NCOA2: variants seen among roughly 807,000 people sequenced by gnomAD.
NCOA2 encodes the protein nuclear receptor coactivator 2, also known as class E basic helix-loop-helix protein 75.
A neutral mutation model predicts 145.1 loss-of-function variants in NCOA2; 21 were observed. The ratio of observed to expected loss-of-function variants is 0.14; its 90% CI spans 0.10 to 0.21. The LOEUF (loss-of-function observed/expected upper bound fraction) is 0.21, where lower values mean the gene tolerates loss of function less well. Among genes scored for constraint, NCOA2 ranks in the 10% least tolerant of loss-of-function variants. The probability of loss-of-function intolerance (pLI) is 1.00; values close to 1 mark genes in which losing one functional copy is unlikely to be tolerated. For missense variants in NCOA2, 1,472 were observed against 1,837.6 expected (o/e 0.80, Z 3.64); for synonymous variants, 619 against 637.5 (o/e 0.97, Z 0.44).
Position 70,326,291 on chromosome 8 carries a change from T to A in NCOA2, c.-76-29491A>T, listed in dbSNP as rs1023701833. On this transcript the variant is annotated intron_variant, in intron 1 of 22. Coordinates refer to ENST00000452400, the MANE Select transcript of NCOA2 (RefSeq NM_006540.4). Reference sequence around the variant, plus strand: ...CGTGTATATATGTATATAAAGTACATATGCTCTTACCTTTATTAAGTTCTC... The same window carrying A: ...CGTGTATATATGTATATAAAGTACAAATGCTCTTACCTTTATTAAGTTCTC... 2.0e-5 allele frequency among the ~76,000 whole-genome samples: 3 copies of A among 152,198 alleles called. No individual in the cohort carries two copies. In the South Asian group the frequency reaches 6.2e-4, roughly 32 times the overall value.
At chr8:70,270,448 T>A (rs1335228563) in intron 2 of NCOA2, among the ~76,000 whole-genome samples, 1 of 152,016 alleles carries the variant, frequency 6.6e-6, no homozygotes, top group South Asian at 2.1e-4. Flanking sequence ...ATGCTACCAT[T>A]ATCTGGCATG....
In NCOA2 at chr8:70,226,279, A is replaced by G. The variant is rs561276193; in HGVS notation, c.-19-9515T>C. 3.8e-3 allele frequency among the ~76,000 whole-genome samples: 584 copies of G among 152,158 alleles called. 2 individuals are homozygous for G. Among genetic ancestry groups the G allele is most frequent in the Non-Finnish European group, 6.2e-3 (421 of 67,974 alleles). On this transcript the variant is annotated intron_variant, in intron 2 of 22. Coordinates refer to ENST00000452400, the MANE Select transcript of NCOA2 (RefSeq NM_006540.4). ...GGAAGAGGGAAAGAACAGGAGGGAG[A>G]GAGGAAAGAAAGAAAGAAGAAAAGG... is the stretch of plus-strand genomic sequence containing the variant.
intron 1 of NCOA2, among the ~76,000 whole-genome samples, chr8:70,317,324 C>T (rs1805670519): frequency 6.6e-6 from 1 of 152,096 alleles, no homozygotes; most frequent in Non-Finnish European, 1.5e-5. Flanking sequence ...GTTAGATTAA[C>T]CAGACATGAA....
chr8:70,156,705 A>C lies in NCOA2; in HGVS notation c.1660T>G (p.Ser554Ala). Residue 554 changes from serine to alanine, a missense_variant, in exon 11 of 23, where the codon TCA (serine) becomes GCA (alanine). By Grantham distance (99) the Ser-to-Ala change is moderately conservative. Coordinates refer to ENST00000452400, the MANE Select transcript of NCOA2 (RefSeq NM_006540.4). The part of the protein sequence containing the change: ...HGVSLGSSLA[S>A]PDLKMGNLQN... ...AAATTGCCCATTTTTAGGTCTGGTG[A>C]AGCCAACGATGACCCTAATGAGACC... 1 of 1,613,928 alleles carries C rather than the reference A, an allele frequency of 6.2e-7. No individual in the cohort carries two copies. Among genetic ancestry groups the C allele is most frequent in the Non-Finnish European group, 8.5e-7 (1 of 1,179,880 alleles).
At chr8:70,174,996 C>T (rs771458763) in intron 4 of NCOA2, 137 bp from the exon 5 acceptor site, 1 of 731,218 alleles carries the variant, frequency 1.4e-6, no homozygotes, top group East Asian at 2.6e-5. Flanking sequence ...CAGTACATCC[C>T]TGTTGCCCCT....
chr8:70,405,210 T>A (rs1331161420), upstream of NCOA2, among the ~76,000 whole-genome samples: 1 of 152,124 alleles, frequency 6.6e-6, no homozygotes, highest in Non-Finnish European at 1.5e-5. Context: ...TCCTAAAATT[T>A]GTGGGTGTAC....
At chr8:70,222,836 A>G (rs774683630) in intron 2 of NCOA2, among the ~76,000 whole-genome samples, 8 of 152,232 alleles carry the variant, frequency 5.3e-5, no homozygotes, top group Non-Finnish European at 8.8e-5. Context: ...GCCAGAATAC[A>G]TAAGTAGCAG....
chr8:70,258,366 C>T (rs1322763594), intron 2 of NCOA2, among the ~76,000 whole-genome samples: 2 of 152,172 alleles, frequency 1.3e-5, no homozygotes, highest in Non-Finnish European at 1.5e-5. Context: ...ACCTTAGCTA[C>T]TACCGTGCCC....
At chr8:70,341,004 G>A (rs532887383) in intron 1 of NCOA2, among the ~76,000 whole-genome samples, 1 of 150,792 alleles carries the variant, frequency 6.6e-6, no homozygotes, top group African/African-American at 2.5e-5. Flanking sequence ...TGATCTGTGT[G>A]GCAAACTACC....
intron 4 of NCOA2, among the ~76,000 whole-genome samples, chr8:70,180,383 G>A (rs995145894): frequency 7.9e-5 from 12 of 152,130 alleles, no homozygotes; most frequent in Admixed American, 1.3e-4. Flanking sequence ...CCATTTGCCC[G>A]CGCTCCAGAA....
In NCOA2 at chr8:70,148,505, G is replaced by A. The variant is rs780341443; in HGVS notation, c.2395-22C>T. ...CAGGCTGTAGTTGACAAACAGAAGAGTTTATCCAGTCTACTCTAAGAGTAG... is the reference window on the plus strand; with the variant it reads ...CAGGCTGTAGTTGACAAACAGAAGAATTTATCCAGTCTACTCTAAGAGTAG... On this transcript the variant is annotated intron_variant, in intron 11 of 22. Coordinates refer to ENST00000452400, the MANE Select transcript of NCOA2 (RefSeq NM_006540.4). 21 of 1,607,382 alleles carry A rather than the reference G, an allele frequency of 1.3e-5. No homozygotes were observed. In the East Asian group the frequency reaches 4.7e-4, roughly 36 times the overall value.
the NCOA2 span, among the ~76,000 whole-genome samples, chr8:70,453,356 C>G: frequency 6.6e-6 from 1 of 152,222 alleles, no homozygotes; most frequent in Non-Finnish European, 1.5e-5. Flanking sequence ...TAGGCTCACG[C>G]AGAAATTACC....
intron 4 of NCOA2, 51 bp from the exon 5 acceptor site, chr8:70,174,910 A>C: frequency 1.3e-6 from 2 of 1,494,504 alleles, no homozygotes; most frequent in Non-Finnish European, 1.9e-6. Context: ...TCAAGGACAG[A>C]GTGACACAGA....
At position 70,391,039 on chromosome 8, in the gene NCOA2, G is replaced by A. The variant is rs144416336; in HGVS notation, c.-77+12661C>T. 1.6e-3 allele frequency among the ~76,000 whole-genome samples: 250 copies of A among 152,298 alleles called. 1 individual carries two copies. Among genetic ancestry groups the A allele is most frequent in the Non-Finnish European group, 2.3e-3 (154 of 68,028 alleles). On this transcript the variant is annotated intron_variant, in intron 1 of 22. Coordinates refer to ENST00000452400, the MANE Select transcript of NCOA2 (RefSeq NM_006540.4). ...GATCCTAAAGTAGGAAAGAGAAAAGGTAAGGTTAGGTATAAAGTAAAGAAG... is the reference window on the plus strand; with the variant it reads ...GATCCTAAAGTAGGAAAGAGAAAAGATAAGGTTAGGTATAAAGTAAAGAAG...
intron 4 of NCOA2, among the ~76,000 whole-genome samples, chr8:70,176,270 C>T (rs910821508): frequency 6.6e-6 from 1 of 152,224 alleles, no homozygotes; most frequent in African/African-American, 2.4e-5. Context: ...ACTGTATCTG[C>T]TTTATCAACT....
intron 6 of NCOA2, among the ~76,000 whole-genome samples, chr8:70,168,873 T>C (rs1813919934): frequency 6.6e-6 from 1 of 152,216 alleles, no homozygotes; most frequent in Admixed American, 6.5e-5. Context: ...AAATCCCATT[T>C]TCTTAATTTA....
At chr8:70,279,170 C>T (rs1214300551) in intron 2 of NCOA2, among the ~76,000 whole-genome samples, 1 of 152,146 alleles carries the variant, frequency 6.6e-6, no homozygotes, top group African/African-American at 2.4e-5. Flanking sequence ...TTCCAAAGGC[C>T]TTGCTCCCTC....
intron 4 of NCOA2, among the ~76,000 whole-genome samples, chr8:70,180,396 C>T (rs780198698): frequency 2.8e-4 from 43 of 152,280 alleles, no homozygotes; most frequent in East Asian, 9.6e-4. Flanking sequence ...CTCCAGAAAT[C>T]CAACACCAAT....
At chr8:70,402,907 G>C (rs1391775396) in intron 1 of NCOA2, among the ~76,000 whole-genome samples, 1 of 123,670 alleles carries the variant, frequency 8.1e-6, no homozygotes, top group African/African-American at 3.1e-5. Flanking sequence ...GGCCCGGCCT[G>C]CTCGGCCCCA....
Sources: gnomAD v4.1 joint callset for allele counts (sites outside exome capture counted in the v4.1 genomes callset) on GRCh38, gnomAD v4.1.1 for gene constraint, MANE v1.5 for transcripts, NCBI Gene and HGNC (gene_info 2026-07-23, HGNC 2026-07-21) for gene names.